Variants in TACR3 observed in about 807,000 individuals in gnomAD.
TACR3 encodes neuromedin-K receptor.
In TACR3, 34 loss-of-function variants were observed where a neutral mutation model predicts 35.0. That is an observed-to-expected ratio of 0.97 (90% CI 0.74 to 1.30). The LOEUF is 1.30. Among genes scored for constraint, TACR3 ranks in the 50% most tolerant of loss-of-function variants. The pLI is 0.00. For missense variants in TACR3, 558 were observed against 591.7 expected (o/e 0.94, Z 0.59); for synonymous variants, 233 against 221.1 (o/e 1.05, Z -0.48).
intron 3 of TACR3, among the ~76,000 whole-genome samples, chr4:103,615,275 G>T (rs564850024): frequency 6.6e-6 from 1 of 152,188 alleles, no homozygotes; most frequent in South Asian, 2.1e-4. Flanking sequence ...CCGAGTACTG[G>T]AGGGCCAAAT....
chr4:103,612,446 C>T (rs1039512559), intron 3 of TACR3, among the ~76,000 whole-genome samples: 2 of 152,038 alleles, frequency 1.3e-5, no homozygotes, highest in African/African-American at 4.8e-5. Flanking sequence ...TAATTTGTTA[C>T]TCTCTTGTTT....
intron 3 of TACR3, among the ~76,000 whole-genome samples, chr4:103,633,565 C>T (rs1383108078): frequency 2.0e-5 from 3 of 152,114 alleles, no homozygotes; most frequent in Admixed American, 1.3e-4. Context: ...CTCAACCCTC[C>T]CACTCTTCCC....
At chr4:103,639,733 T>C (rs1475575515) in intron 3 of TACR3, among the ~76,000 whole-genome samples, 1 of 152,016 alleles carries the variant, frequency 6.6e-6, no homozygotes, top group East Asian at 1.9e-4. Context: ...AATCAGACTT[T>C]CTGGGTTCAA....
chr4:103,630,534 A>G (rs1474942062), intron 3 of TACR3, among the ~76,000 whole-genome samples: 1 of 152,240 alleles, frequency 6.6e-6, no homozygotes, highest in Non-Finnish European at 1.5e-5. Context: ...ATGAACAGAC[A>G]CTTCTCAAAA....
chr4:103,592,713 T>C (rs781070343), intron 3 of TACR3, among the ~76,000 whole-genome samples: 1 of 152,208 alleles, frequency 6.6e-6, no homozygotes, highest in Non-Finnish European at 1.5e-5. Context: ...AAAGCTCTGA[T>C]GTAAAGGGCC....
intron 1 of TACR3, among the ~76,000 whole-genome samples, chr4:103,682,009 T>A (rs528576113): frequency 6.6e-6 from 1 of 152,306 alleles, no homozygotes; most frequent in Admixed American, 6.5e-5. Flanking sequence ...CATGTATTCA[T>A]GTTTATTAGT....
intron 1 of TACR3, among the ~76,000 whole-genome samples, chr4:103,697,402 G>GTTTGTTTGTTTGTTTA (rs139321846): frequency 6.9e-6 from 1 of 144,974 alleles, no homozygotes; most frequent in Admixed American, 6.9e-5. Flanking sequence ...TTATTTATTT[G>GTTTGTTTGTTTGTTTA]TTTATTTATT....
chr4:103,602,387 T>C (rs111795117), intron 3 of TACR3, among the ~76,000 whole-genome samples: 337 of 152,338 alleles, frequency 2.2e-3, no homozygotes, highest in African/African-American at 7.5e-3. Context: ...TCTCAACTCC[T>C]CTAAGTCATT....
At chr4:103,623,972 A>G (rs1220206457) in intron 3 of TACR3, among the ~76,000 whole-genome samples, 1 of 152,160 alleles carries the variant, frequency 6.6e-6, no homozygotes, top group Non-Finnish European at 1.5e-5. Context: ...TGTTCAATCT[A>G]GGTTAACTGT....
intron 3 of TACR3, among the ~76,000 whole-genome samples, chr4:103,623,383 A>AT (rs968635720): frequency 1.4e-4 from 21 of 150,668 alleles, no homozygotes; most frequent in Non-Finnish European, 2.7e-4. Flanking sequence ...ATTTTTCTCT[A>AT]TTTTTTTTTA....
At chr4:103,625,038 G>A (rs571757125) in intron 3 of TACR3, among the ~76,000 whole-genome samples, 90 of 152,134 alleles carry the variant, frequency 5.9e-4, no homozygotes, top group African/African-American at 1.9e-3. Flanking sequence ...AGAGAAACAC[G>A]CAATTGCCTC....
intron 1 of TACR3, among the ~76,000 whole-genome samples, chr4:103,709,622 C>T (rs1424864913): frequency 2.6e-5 from 4 of 152,164 alleles, no homozygotes; most frequent in Admixed American, 2.6e-4. Context: ...AACCAGCTAA[C>T]ATCATAATGA....
intron 3 of TACR3, among the ~76,000 whole-genome samples, chr4:103,596,483 G>A (rs1317664098): frequency 6.6e-6 from 1 of 152,018 alleles, no homozygotes; most frequent in African/African-American, 2.4e-5. Context: ...GTTTTGGTTT[G>A]CATTTGTCTG....
chr4:103,603,634 C>A (rs142526449), intron 3 of TACR3, among the ~76,000 whole-genome samples: 1 of 152,144 alleles, frequency 6.6e-6, no homozygotes, highest in Non-Finnish European at 1.5e-5. Context: ...AATAAACATA[C>A]GTGTGCATGT....
At chr4:103,666,840 T>C (rs1188665670) in intron 1 of TACR3, among the ~76,000 whole-genome samples, 1 of 152,232 alleles carries the variant, frequency 6.6e-6, no homozygotes. Context: ...TAAATCACTC[T>C]TTTGAAGTCC....
chr4:103,630,572 AT>A lies in TACR3; in HGVS notation c.888+25621del, dbSNP rs563962290. Among the ~76,000 whole-genome samples, 1,007 of 152,358 alleles carry A rather than the reference AT, an allele frequency of 6.6e-3. 9 individuals are homozygous for A. Among genetic ancestry groups the A allele is most frequent in the African/African-American group, 0.023 (941 of 41,576 alleles). On this transcript the variant is annotated intron_variant, in intron 3 of 4. Transcript: ENST00000304883. ...AGACATTTATGCAGCCAACAGACAC[AT>A]GAAAAAATGCTCATCATCACTGGTC...
At position 103,591,605 on chromosome 4, in the gene TACR3, C is replaced by G; in HGVS notation, c.967G>C (p.Ala323Pro). 3 of 1,613,764 alleles carry G rather than the reference C, an allele frequency of 1.9e-6. No homozygotes were observed. The highest frequency in any genetic ancestry group is 2.5e-6 in the Non-Finnish European group (3 of 1,179,830). The change falls in exon 4 of 5, where the codon GCA (alanine) becomes CCA (proline). Residue 323 changes from alanine (A) to proline (P), a missense_variant. By Grantham distance (27) the Ala-to-Pro change is conservative. Coordinates refer to ENST00000304883, the MANE Select transcript of TACR3 (RefSeq NM_001059.3). ...CATCTATTTAGTTGTTGATAGATTG[C>G]AGTGAGAATGAAGTAAATATGATAG... Reference protein sequence around the residue: ...LPYHIYFILTAIYQQLNRWKY... With the variant: ...LPYHIYFILTPIYQQLNRWKY...
At chr4:103,696,427 T>G (rs888569166) in intron 1 of TACR3, among the ~76,000 whole-genome samples, 2 of 152,140 alleles carry the variant, frequency 1.3e-5, no homozygotes, top group Admixed American at 1.3e-4. Flanking sequence ...AAACATTTTA[T>G]TTCTTTGTAA....
intron 3 of TACR3, among the ~76,000 whole-genome samples, chr4:103,601,239 G>C (rs891778836): frequency 4.0e-5 from 6 of 151,834 alleles, no homozygotes; most frequent in Admixed American, 6.6e-5. Flanking sequence ...CCATTTGCTT[G>C]GTAGATTTTC....
Sources: allele counts gnomAD v4.1 joint callset (sites outside exome capture counted in the v4.1 genomes callset), GRCh38; gene constraint gnomAD v4.1.1; transcripts MANE v1.5; gene names NCBI Gene and HGNC (gene_info 2026-07-23, HGNC 2026-07-21).